The following PCDHGA12 variants were observed in gnomAD, a reference collection of about 807,000 sequenced individuals.
PCDHGA12 encodes protocadherin gamma-A12.
Under a neutral mutation model 61.1 loss-of-function variants are expected in PCDHGA12, and 43 were observed. The observed-to-expected ratio is 0.70, with a 90% CI of 0.55 to 0.91. The LOEUF (loss-of-function observed/expected upper bound fraction) is 0.91. Among genes scored for constraint, PCDHGA12 ranks in the 40% least tolerant of loss-of-function variants. The pLI, the probability that PCDHGA12 is intolerant of heterozygous loss-of-function variation, is 0.00. For synonymous variants in PCDHGA12, 520 were observed against 542.9 expected (o/e 0.96, Z 0.59); for missense variants, 1,236 against 1,227.7 (o/e 1.01, Z -0.10).
intron 3 of PCDHGA12, among the ~76,000 whole-genome samples, chr5:141,510,741 C>A (rs11953770): frequency 1.3e-5 from 2 of 152,138 alleles, no homozygotes; most frequent in Non-Finnish European, 1.5e-5. Context: ...GGAATCAAAC[C>A]TAGACTTTCT....
intron 1 of PCDHGA12, among the ~76,000 whole-genome samples, chr5:141,483,980 G>C (rs1379963326): frequency 2.0e-5 from 3 of 148,294 alleles, no homozygotes; most frequent in African/African-American, 7.5e-5. Flanking sequence ...CAAGGGAGTA[G>C]CTAGGTTGCT....
chr5:141,456,157 A>G (rs1307977690), intron 1 of PCDHGA12, among the ~76,000 whole-genome samples: 3 of 152,052 alleles, frequency 2.0e-5, no homozygotes, highest in Admixed American at 1.3e-4. Context: ...TCGGCCTCCT[A>G]AAGTGCTGGG....
At chr5:141,460,981 GTGTATA>G (rs1450537646) in intron 1 of PCDHGA12, among the ~76,000 whole-genome samples, 10 of 121,882 alleles carry the variant, frequency 8.2e-5, no homozygotes, top group African/African-American at 3.1e-4. Flanking sequence ...GTGTGTGTGT[GTGTATA>G]TATATATATG....
chr5:141,491,837 G>A lies in PCDHGA12; in HGVS notation c.2425-2970G>A, dbSNP rs1404051857. The A allele has an allele frequency of 1.4e-6, 2 of 1,472,862 alleles. No individual in the cohort carries two copies. The highest frequency in any genetic ancestry group is 1.8e-6 in the Non-Finnish European group (2 of 1,111,878). The allele number at this position is 1,472,862 out of a possible 1,614,324, so 91.2% of individuals were successfully genotyped here. A position where few individuals can be genotyped will look rare whatever the true frequency, so the allele number is the denominator to read the frequency against. ...TGGCTGCGCTCCACCCGATTCTCGG[G>A]ATCATTGGACCGTTTGCGCGAAACC... On this transcript the variant is annotated intron_variant, in intron 1 of 3. Transcript: ENST00000252085. The surrounding 1 kb of genome is among the most constrained non-coding windows in gnomAD (Gnocchi z 6.9).
chr5:141,478,290 A>G, intron 1 of PCDHGA12: 1 of 1,614,056 alleles, frequency 6.2e-7, no homozygotes, highest in South Asian at 1.1e-5. Flanking sequence ...CAGTCTAGAG[A>G]CCTATACCGA....
At chr5:141,499,689 CT>C (rs545067566) in intron 2 of PCDHGA12, among the ~76,000 whole-genome samples, 4,434 of 119,828 alleles carry the variant, frequency 0.037, 46 homozygotes, top group African/African-American at 0.083. Context: ...TAACAGATGA[CT>C]TTTTTTTTTT....
In PCDHGA12 at chr5:141,492,378, C is replaced by T. The variant is rs144479033; in HGVS notation, c.2425-2429C>T. Among the ~76,000 whole-genome samples the T allele has an allele frequency of 1.7e-3, 262 of 152,360 alleles. 2 individuals are homozygous for T. The highest frequency in any genetic ancestry group is 3.0e-3 in the Non-Finnish European group (207 of 68,026). On this transcript the variant is annotated intron_variant, in intron 1 of 3. Coordinates refer to ENST00000252085, the MANE Select transcript of PCDHGA12 (RefSeq NM_003735.3). ...CTCGCTCGCGGCCAGATTCACAGGCCTGTTCCGGTCCACTCGCAGCTCCCC... is the reference window on the plus strand; with the variant it reads ...CTCGCTCGCGGCCAGATTCACAGGCTTGTTCCGGTCCACTCGCAGCTCCCC...
chr5:141,449,066 A>G (rs1234801725), intron 1 of PCDHGA12, among the ~76,000 whole-genome samples: 3 of 152,188 alleles, frequency 2.0e-5, no homozygotes, highest in African/African-American at 4.8e-5. Context: ...GCGCTATTGA[A>G]TAGCCCTGTA....
intron 1 of PCDHGA12, chr5:141,478,776 A>G (rs961079570): frequency 1.3e-6 from 2 of 1,488,690 alleles, no homozygotes; most frequent in East Asian, 2.5e-5. Flanking sequence ...TCATCTGTGG[A>G]CCTAATTCAC....
chr5:141,499,012 G>GGAAGGAAT, intron 2 of PCDHGA12, among the ~76,000 whole-genome samples: 1 of 147,618 alleles, frequency 6.8e-6, no homozygotes. Context: ...AAGGAAGGAA[G>GGAAGGAAT]GAAGGAAGGA....
chr5:141,505,711 A>C (rs372711957), intron 3 of PCDHGA12, among the ~76,000 whole-genome samples: 17 of 152,058 alleles, frequency 1.1e-4, no homozygotes, highest in Admixed American at 2.6e-4. Context: ...CAAGGAAAAG[A>C]CTCATGGAGG....
intron 1 of PCDHGA12, among the ~76,000 whole-genome samples, chr5:141,472,113 A>G (rs1296591849): frequency 1.3e-5 from 2 of 152,260 alleles, no homozygotes; most frequent in East Asian, 3.8e-4. Flanking sequence ...ATACATAAAG[A>G]AAATAAAAGA....
At chr5:141,444,621 G>A (rs1265458898) in intron 1 of PCDHGA12, among the ~76,000 whole-genome samples, 1 of 152,132 alleles carries the variant, frequency 6.6e-6, no homozygotes, top group Non-Finnish European at 1.5e-5. Flanking sequence ...CATGTGGCAT[G>A]ATGCACCAGT....
chr5:141,485,745 T>C lies in PCDHGA12; in HGVS notation c.2425-9062T>C. 3 of 1,614,146 alleles carry C rather than the reference T, an allele frequency of 1.9e-6. No individual in the cohort carries two copies. Among genetic ancestry groups the C allele is most frequent in the Non-Finnish European group, 2.5e-6 (3 of 1,179,986 alleles). ...AAGAAGCGCAGCGACGGCAGCCTGGTCCCAGAGCTGCTCCTGGAGAAGCCT... is the reference window on the plus strand; with the variant it reads ...AAGAAGCGCAGCGACGGCAGCCTGGCCCCAGAGCTGCTCCTGGAGAAGCCT... On this transcript the variant is annotated intron_variant, in intron 1 of 3. Transcript: ENST00000252085. This position sits in a 1 kb window ranked among gnomAD's most constrained non-coding sequence, Gnocchi z 5.7.
intron 1 of PCDHGA12, among the ~76,000 whole-genome samples, chr5:141,460,983 GTATATA>G (rs59296681): frequency 0.23 from 32,081 of 137,558 alleles, 4,351 homozygotes; most frequent in African/African-American, 0.39. Context: ...GTGTGTGTGT[GTATATA>G]TATATATGTG....
intron 1 of PCDHGA12, chr5:141,478,198 ACTT>A (rs2099438516): frequency 1.2e-6 from 2 of 1,613,746 alleles, no homozygotes; most frequent in African/African-American, 1.3e-5. Context: ...CCTTTTATCT[ACTT>A]CTTTCTCTAA....
In PCDHGA12 at chr5:141,486,172, T is replaced by C; in HGVS notation, c.2425-8635T>C. ...GGGGTTCTCCAGCCATGGAGCAACA[T>C]TGCAGCCTTCGAGTGGATCTGCTGG... On this transcript the variant is annotated intron_variant, in intron 1 of 3. Transcript: ENST00000252085. The surrounding 1 kb of genome is among the most constrained non-coding windows in gnomAD (Gnocchi z 5.0). 3 of 1,614,212 alleles carry C rather than the reference T, an allele frequency of 1.9e-6. No homozygotes were observed. Among genetic ancestry groups the C allele is most frequent in the Admixed American group, 1.7e-5 (1 of 60,036 alleles).
intron 2 of PCDHGA12, among the ~76,000 whole-genome samples, chr5:141,500,421 G>A (rs1247202322): frequency 6.6e-6 from 1 of 151,852 alleles, no homozygotes; most frequent in Non-Finnish European, 1.5e-5. Flanking sequence ...GTGTTAGCCA[G>A]GATGGTCTCG....
Position 141,432,289 on chromosome 5 carries a change from C to T in PCDHGA12, c.1530C>T (p.Asp510=), listed in dbSNP as rs762278053. ...CGTCCTACGTGTCCATCAACTCCGACACTGGGGTACTGTATGCGCTGAGCT... is the reference window on the plus strand; with the variant it reads ...CGTCCTACGTGTCCATCAACTCCGATACTGGGGTACTGTATGCGCTGAGCT... ...SLSSYVSINS[D]TGVLYALSSF... Residue 510 remains aspartate (D), a synonymous_variant, in exon 1 of 4, where the codon GAC becomes GAT. Coordinates refer to ENST00000252085, the MANE Select transcript of PCDHGA12 (RefSeq NM_003735.3). The surrounding 1 kb of genome is among the most constrained non-coding windows in gnomAD (Gnocchi z 6.0). The T allele has an allele frequency of 6.2e-7, 1 of 1,614,266 alleles. No homozygotes were observed. Among genetic ancestry groups the T allele is most frequent in the Admixed American group, 1.7e-5 (1 of 60,038 alleles).
Sources: gnomAD v4.1 joint callset for allele counts (sites outside exome capture counted in the v4.1 genomes callset) on GRCh38, gnomAD v4.1.1 for gene constraint, Gnocchi (gnomAD v3.1) non-coding constraint, MANE v1.5 for transcripts, NCBI Gene and HGNC (gene_info 2026-07-23, HGNC 2026-07-21) for gene names.